The following C8orf34 variants were observed in gnomAD, a reference collection of about 807,000 sequenced individuals.
The protein encoded by C8orf34 is uncharacterized protein C8orf34.
A neutral mutation model predicts 68.3 loss-of-function variants in C8orf34; 65 were observed. The observed-to-expected ratio is 0.95, with a 90% CI of 0.78 to 1.17. The LOEUF is 1.17. Among genes scored for constraint, C8orf34 ranks in the 50% most tolerant of loss-of-function variants. The pLI, the probability that C8orf34 is intolerant of heterozygous loss-of-function variation, is 0.00. For synonymous variants in C8orf34, 244 were observed against 241.2 expected (o/e 1.01, Z -0.11); for missense variants, 664 against 655.4 (o/e 1.01, Z -0.14).
intron 8 of C8orf34, among the ~76,000 whole-genome samples, chr8:68,664,761 C>T (rs1366945273): frequency 6.6e-6 from 1 of 152,116 alleles, no homozygotes; most frequent in Non-Finnish European, 1.5e-5. Flanking sequence ...CACAGCACAG[C>T]AAGTCTGGCT....
chr8:68,407,250 A>AT (rs545945791), intron 1 of C8orf34, among the ~76,000 whole-genome samples: 2 of 150,732 alleles, frequency 1.3e-5, no homozygotes, highest in South Asian at 4.2e-4. Context: ...TCTTCTAAAT[A>AT]TTTTTTTCAA....
intron 1 of C8orf34, among the ~76,000 whole-genome samples, chr8:68,392,059 T>A (rs1353727490): frequency 2.0e-5 from 3 of 152,170 alleles, no homozygotes; most frequent in Non-Finnish European, 4.4e-5. Context: ...GCTGACTTTA[T>A]GAGAATATAA....
intron 12 of C8orf34, among the ~76,000 whole-genome samples, chr8:68,806,829 A>G (rs1483258017): frequency 6.6e-6 from 1 of 152,240 alleles, no homozygotes; most frequent in Admixed American, 6.5e-5. Context: ...GTCTAAAACA[A>G]TACTCACTCA....
intron 4 of C8orf34, among the ~76,000 whole-genome samples, chr8:68,481,315 G>T (rs552678995): frequency 2.8e-4 from 42 of 151,326 alleles, no homozygotes; most frequent in Admixed American, 2.7e-3. Context: ...TGGATGCCCA[G>T]GCAAAGATTG....
chr8:68,467,249 CTAAT>C (rs56172223), intron 3 of C8orf34, among the ~76,000 whole-genome samples: 7,764 of 151,852 alleles, frequency 0.051, 281 homozygotes, highest in African/African-American at 0.096. Flanking sequence ...ATTATTATGA[CTAAT>C]TAATTAATAT....
At chr8:68,728,619 A>G (rs2129526770) in intron 10 of C8orf34, among the ~76,000 whole-genome samples, 1 of 152,328 alleles carries the variant, frequency 6.6e-6, no homozygotes, top group Non-Finnish European at 1.5e-5. Flanking sequence ...GGAAGAAGCA[A>G]AAGTGGAAAC....
chr8:68,407,866 T>C (rs1028705513), intron 1 of C8orf34, among the ~76,000 whole-genome samples: 1 of 152,202 alleles, frequency 6.6e-6, no homozygotes, highest in Non-Finnish European at 1.5e-5. Context: ...ATTTTAAACC[T>C]CATGGATTAC....
chr8:68,440,626 C>A (rs1397913848), intron 2 of C8orf34, among the ~76,000 whole-genome samples: 4 of 152,086 alleles, frequency 2.6e-5, no homozygotes, highest in Non-Finnish European at 4.4e-5. Flanking sequence ...TTGGCCTTAA[C>A]TTTCTTGGGT....
At chr8:68,765,135 G>T (rs1214844515) in intron 10 of C8orf34, among the ~76,000 whole-genome samples, 2 of 152,148 alleles carry the variant, frequency 1.3e-5, no homozygotes, top group Non-Finnish European at 2.9e-5. Flanking sequence ...GACAGCCAGG[G>T]ATTTGTCCTT....
chr8:68,365,719 A>C (rs1418086130), intron 1 of C8orf34, among the ~76,000 whole-genome samples: 1 of 68,910 alleles, frequency 1.5e-5, no homozygotes, highest in Non-Finnish European at 2.6e-5. Flanking sequence ...AAAACTCTCA[A>C]TAAATTAGGT....
At chr8:68,799,683 T>C (rs1824274262) in intron 12 of C8orf34, among the ~76,000 whole-genome samples, 1 of 152,184 alleles carries the variant, frequency 6.6e-6, no homozygotes, top group Non-Finnish European at 1.5e-5. Context: ...AGCTACCATA[T>C]GTTGGGCTTT....
chr8:68,441,782 A>G (rs1008221421), intron 2 of C8orf34, among the ~76,000 whole-genome samples: 3 of 152,210 alleles, frequency 2.0e-5, no homozygotes, highest in Non-Finnish European at 4.4e-5. Flanking sequence ...GCTATATTCT[A>G]CTGTTTCAAA....
intron 8 of C8orf34, among the ~76,000 whole-genome samples, chr8:68,688,140 T>C (rs1820576944): frequency 6.6e-6 from 1 of 152,044 alleles, no homozygotes; most frequent in Non-Finnish European, 1.5e-5. Flanking sequence ...GATGTTGGCA[T>C]GGATGTGATG....
At chr8:68,603,378 A>C (rs1193040507) in intron 7 of C8orf34, among the ~76,000 whole-genome samples, 1 of 152,060 alleles carries the variant, frequency 6.6e-6, no homozygotes, top group Non-Finnish European at 1.5e-5. Flanking sequence ...AATAAATGAG[A>C]TGCTCCTGAC....
At chr8:68,373,440 T>C (rs962709284) in intron 1 of C8orf34, among the ~76,000 whole-genome samples, 32 of 152,212 alleles carry the variant, frequency 2.1e-4, no homozygotes, top group Admixed American at 1.4e-3. Flanking sequence ...CTTTCTCTTA[T>C]ATCGGCTACT....
intron 7 of C8orf34, among the ~76,000 whole-genome samples, chr8:68,607,510 G>A (rs1817890377): frequency 1.3e-5 from 2 of 152,006 alleles, no homozygotes; most frequent in African/African-American, 4.8e-5. Flanking sequence ...CTACTCTAAT[G>A]GACCTAATTT....
chr8:68,389,866 C>T (rs896215428), intron 1 of C8orf34, among the ~76,000 whole-genome samples: 7 of 152,100 alleles, frequency 4.6e-5, no homozygotes, highest in East Asian at 1.9e-4. Context: ...AGTTCAAGGA[C>T]GGTTTCTTTA....
chr8:68,374,362 T>C (rs990382761), intron 1 of C8orf34, among the ~76,000 whole-genome samples: 2 of 152,192 alleles, frequency 1.3e-5, no homozygotes, highest in Non-Finnish European at 2.9e-5. Flanking sequence ...ATTCAGCTTC[T>C]CCTCTCATTA....
intron 2 of C8orf34, among the ~76,000 whole-genome samples, chr8:68,441,313 A>G (rs995313483): frequency 6.6e-6 from 1 of 152,086 alleles, no homozygotes; most frequent in African/African-American, 2.4e-5. Flanking sequence ...CTGCAGCTAT[A>G]TGGCTGAGGT....
Sources: gnomAD v4.1 joint callset for allele counts (sites outside exome capture counted in the v4.1 genomes callset) on GRCh38, gnomAD v4.1.1 for gene constraint, MANE v1.5 for transcripts, NCBI Gene and HGNC (gene_info 2026-07-23, HGNC 2026-07-21) for gene names.